The following DEPP1 variants were observed in gnomAD, a reference collection of about 807,000 sequenced individuals.
DEPP1 encodes the protein protein DEPP1.
For missense variants in DEPP1, 267 were observed against 280.1 expected (o/e 0.95, Z 0.33); for synonymous variants, 117 against 113.6 (o/e 1.03, Z -0.19).
In DEPP1 at chr10:44,977,262, C is replaced by G; in HGVS notation, c.*130G>C. ...AGGGGGTCGGTCTCACTGTGAACTG[C>G]CCAAGCAGGGGCCTCTGCAGAAAAG... is the stretch of plus-strand genomic sequence containing the variant. On this transcript the variant is annotated 3_prime_UTR_variant, in exon 2 of 2. Coordinates refer to ENST00000298295, the MANE Select transcript of DEPP1 (RefSeq NM_007021.4). 8.0e-7 allele frequency: 1 copy of G among 1,257,074 alleles called. No homozygotes were observed. The highest frequency in any genetic ancestry group is 1.5e-5 in the African/African-American group (1 of 66,800). 77.9% of individuals were successfully genotyped at this position (1,257,074 alleles called of 1,614,324 possible).
Position 44,977,823 on chromosome 10 carries a change from CTGGCCTGTGGGG to C in DEPP1, c.196_207del (p.Pro66_Pro69del), listed in dbSNP as rs769528124. Reference sequence around the variant, plus strand: ...GGGCGGCCCTTCCGGCAGGCCTGGGCTGGCCTGTGGGGTGGCCTGGGTTGGCCCTGGGCCGTG... The same window carrying C: ...GGGCGGCCCTTCCGGCAGGCCTGGGCTGGCCTGGGTTGGCCCTGGGCCGTG... On this transcript the variant is annotated inframe_deletion, in exon 2 of 2. Transcript: ENST00000298295. 22 of 1,604,626 alleles carry C rather than the reference CTGGCCTGTGGGG, an allele frequency of 1.4e-5. No homozygotes were observed. Among genetic ancestry groups the C allele is most frequent in the Middle Eastern group, 1.7e-4 (1 of 6,040 alleles).
In DEPP1 at chr10:44,977,958, C is replaced by G. The variant is rs150114325; in HGVS notation, c.73G>C (p.Gly25Arg). Residue 25 changes from glycine (G) to arginine (R), a missense_variant, in exon 2 of 2, where the codon GGG (glycine) becomes CGG (arginine). Gly to Arg is a moderately radical substitution (Grantham distance 125, BLOSUM62 -2). Coordinates refer to ENST00000298295, the MANE Select transcript of DEPP1 (RefSeq NM_007021.4). Reference protein sequence around the residue: ...IRETTEEMLLGGPGQEPPPSP... With the variant: ...IRETTEEMLLRGPGQEPPPSP... ...GGTGGGGGCTCCTGTCCAGGACCCC[C>G]AAGCAGCATCTCCTCCGTGGTCTCC... 1 of 1,611,984 alleles carries G rather than the reference C, an allele frequency of 6.2e-7. No individual in the cohort carries two copies. The highest frequency in any genetic ancestry group is 1.3e-5 in the African/African-American group (1 of 74,838).
rs1455243602 is a variant in DEPP1, at chr10:44,976,239, T to A, written c.*1153A>T. 1 of 152,280 alleles carries A rather than the reference T, an allele frequency of 6.6e-6. No individual in the cohort carries two copies. The highest frequency in any genetic ancestry group is 1.5e-5 in the Non-Finnish European group (1 of 68,060). The allele number at this position is 152,280 out of a possible 1,614,324, so 9.4% of individuals were successfully genotyped here. A position where few individuals can be genotyped will look rare whatever the true frequency, so the allele number is the denominator to read the frequency against. ...AAGAACATTGCTGATGTCCCCATTT[T>A]ATAGATAAGGAAACTGGGTAATTGC... is the stretch of plus-strand genomic sequence containing the variant. On this transcript the variant is annotated 3_prime_UTR_variant, in exon 2 of 2. Transcript: ENST00000298295.
At position 44,977,853 on chromosome 10, in the gene DEPP1, G is replaced by C. The variant is rs2132783893; in HGVS notation, c.178C>G (p.Gln60Glu). ...PTSVLDKATA[Q>E]GQPRPPHRPA... ...CTGTGGGGTGGCCTGGGTTGGCCCT[G>C]GGCCGTGGCCTTGTCCAGCACAGAG... The change falls in exon 2 of 2, where the codon CAG (glutamine) becomes GAG (glutamate). Residue 60 changes from glutamine (Q) to glutamate (E), a missense_variant. Coordinates refer to ENST00000298295, the MANE Select transcript of DEPP1 (RefSeq NM_007021.4). 1 of 1,609,848 alleles carries C rather than the reference G, an allele frequency of 6.2e-7. No individual in the cohort carries two copies. Among genetic ancestry groups the C allele is most frequent in the East Asian group, 2.2e-5 (1 of 44,820 alleles).
rs1841447393 is a variant in DEPP1, at chr10:44,976,799, G to T, written c.*593C>A. 6.6e-6 allele frequency: 1 copy of T among 152,590 alleles called. No individual in the cohort carries two copies. The highest frequency in any genetic ancestry group is 1.5e-5 in the Non-Finnish European group (1 of 68,324). 9.5% of individuals were successfully genotyped at this position (152,590 alleles called of 1,614,324 possible). A position where few individuals can be genotyped will look rare whatever the true frequency, so the allele number is the denominator to read the frequency against. The stretch of plus-strand genomic sequence containing the variant: ...CCCAATGCCACCACAGGACGTATGA[G>T]TTGTAGCCAGCAGAGTGCCCCAGTG... On this transcript the variant is annotated 3_prime_UTR_variant, in exon 2 of 2. Coordinates refer to ENST00000298295, the MANE Select transcript of DEPP1 (RefSeq NM_007021.4).
Position 44,977,388 on chromosome 10 carries a change from G to C in DEPP1, c.*4C>G, listed in dbSNP as rs746339550. 1 of 1,562,214 alleles carries C rather than the reference G, an allele frequency of 6.4e-7. No individual in the cohort carries two copies. Among genetic ancestry groups the C allele is most frequent in the Non-Finnish European group, 8.7e-7 (1 of 1,150,890 alleles). ...TCTCTACAGAAGCCTTTACTGGGGA[G>C]GGGTCAGAGTTCATGGATCACCGGG... is the stretch of plus-strand genomic sequence containing the variant. On this transcript the variant is annotated 3_prime_UTR_variant, in exon 2 of 2. Coordinates refer to ENST00000298295, the MANE Select transcript of DEPP1 (RefSeq NM_007021.4).
At chr10:44,978,152 G>A in intron 1 of DEPP1, 97 bp from the exon 2 acceptor site, 2 of 1,173,872 alleles carry the variant, frequency 1.7e-6, no homozygotes, top group Non-Finnish European at 2.4e-6. Flanking sequence ...TAGGAATCCG[G>A]TGCCCTGAGA....
chr10:44,977,305 C>A lies in DEPP1; in HGVS notation c.*87G>T, dbSNP rs1293271468. On this transcript the variant is annotated 3_prime_UTR_variant, in exon 2 of 2. Coordinates refer to ENST00000298295, the MANE Select transcript of DEPP1 (RefSeq NM_007021.4). The stretch of plus-strand genomic sequence containing the variant: ...CAGAAAAGCATTTCCCTTTCAGAGA[C>A]CTGCCAGGGGCAGTGACCACCATGG... The A allele has an allele frequency of 2.0e-6, 3 of 1,478,472 alleles. No individual in the cohort carries two copies. In the East Asian group the frequency reaches 6.9e-5, roughly 34 times the overall value. 91.6% of individuals were successfully genotyped at this position (1,478,472 alleles called of 1,614,324 possible). A position where few individuals can be genotyped will look rare whatever the true frequency, so the allele number is the denominator to read the frequency against.
chr10:44,976,268 T>A lies in DEPP1; in HGVS notation c.*1124A>T, dbSNP rs1564457532. 4 of 152,254 alleles carry A rather than the reference T, an allele frequency of 2.6e-5. No homozygotes were observed. Among genetic ancestry groups the A allele is most frequent in the Admixed American group, 1.3e-4 (2 of 15,284 alleles). 9.4% of individuals were successfully genotyped at this position (152,254 alleles called of 1,614,324 possible). On this transcript the variant is annotated 3_prime_UTR_variant, in exon 2 of 2. Coordinates refer to ENST00000298295, the MANE Select transcript of DEPP1 (RefSeq NM_007021.4). ...GATAAGGAAACTGGGTAATTGCTTG[T>A]CTGAAACTTTTTCCTTTTAATATGG...
intron 1 of DEPP1, among the ~76,000 whole-genome samples, chr10:44,978,413 A>T (rs1435661994): frequency 6.6e-6 from 1 of 152,180 alleles, no homozygotes; most frequent in Admixed American, 6.5e-5. Flanking sequence ...TCCATAAAAC[A>T]GGGTTATAAA....
rs370108065 is a variant in DEPP1, at chr10:44,977,843, G to T, written c.188C>A (p.Pro63His). The T allele has an allele frequency of 1.9e-6, 3 of 1,607,730 alleles. No individual in the cohort carries two copies. The African/African-American group carries it at 4.0e-5, about 21-fold the overall frequency. The change falls in exon 2 of 2, where the codon CCC becomes CAC. Residue 63 changes from proline to histidine, a missense_variant. Coordinates refer to ENST00000298295, the MANE Select transcript of DEPP1 (RefSeq NM_007021.4). ...CTGGGCTGGCCTGTGGGGTGGCCTG[G>T]GTTGGCCCTGGGCCGTGGCCTTGTC... ...VLDKATAQGQ[P>H]RPPHRPAQAC...
chr10:44,977,190 G>C lies in DEPP1; in HGVS notation c.*202C>G, dbSNP rs1375159061. 3.2e-6 allele frequency: 2 copies of C among 616,956 alleles called. No homozygotes were observed. The highest frequency in any genetic ancestry group is 2.9e-5 in the South Asian group (1 of 34,614). The allele number at this position is 616,956 out of a possible 1,614,324, so 38.2% of individuals were successfully genotyped here. ...CAGCCAGCAAGGGTCAGAGCGAACG[G>C]GATTGGTAACATCTCCTCATGTGAA... is the stretch of plus-strand genomic sequence containing the variant. On this transcript the variant is annotated 3_prime_UTR_variant, in exon 2 of 2. Transcript: ENST00000298295.
In DEPP1 at chr10:44,977,832, G is replaced by T. The variant is rs754174206; in HGVS notation, c.199C>A (p.His67Asn). 2 of 1,606,090 alleles carry T rather than the reference G, an allele frequency of 1.2e-6. No homozygotes were observed. The highest frequency in any genetic ancestry group is 3.4e-5 in the Admixed American group (2 of 58,292). Residue 67 changes from histidine (H) to asparagine (N), a missense_variant, in exon 2 of 2, where the codon CAC becomes AAC. By Grantham distance (68) the His-to-Asn change is moderately conservative (BLOSUM62 1). Coordinates refer to ENST00000298295, the MANE Select transcript of DEPP1 (RefSeq NM_007021.4). ...TTCCGGCAGGCCTGGGCTGGCCTGT[G>T]GGGTGGCCTGGGTTGGCCCTGGGCC... is the stretch of plus-strand genomic sequence containing the variant. ...ATAQGQPRPP[H>N]RPAQACRKGR... is the part of the protein sequence containing the mutation.
rs1564458890 is a variant in DEPP1, at chr10:44,977,777, A to G, written c.254T>C (p.Ile85Thr). ...KGRPAVSLRD[I>T]TARFSGQQPT... is the part of the protein sequence containing the mutation. ...CTGCTGGCCACTGAAACGTGCGGTG[A>G]TGTCTCGCAGGGACACAGCAGGGCG... Residue 85 changes from isoleucine (I) to threonine (T), a missense_variant, in exon 2 of 2, where the codon ATC becomes ACC. By Grantham distance (89) the Ile-to-Thr change is moderately conservative (BLOSUM62 -1). Coordinates refer to ENST00000298295, the MANE Select transcript of DEPP1 (RefSeq NM_007021.4). 1 of 1,601,102 alleles carries G rather than the reference A, an allele frequency of 6.2e-7. No individual in the cohort carries two copies. Among genetic ancestry groups the G allele is most frequent in the Non-Finnish European group, 8.5e-7 (1 of 1,172,354 alleles).
intron 1 of DEPP1, 53 bp from the exon 2 acceptor site, chr10:44,978,108 C>T: frequency 6.6e-7 from 1 of 1,511,896 alleles, no homozygotes; most frequent in Non-Finnish European, 9.0e-7. Flanking sequence ...TCCCACCGCC[C>T]CTCAGCGTCA....
At position 44,977,881 on chromosome 10, in the gene DEPP1, G is replaced by A. The variant is rs774761547; in HGVS notation, c.150C>T (p.Pro50=). 4 of 1,612,464 alleles carry A rather than the reference G, an allele frequency of 2.5e-6. No homozygotes were observed. The Middle Eastern group carries it at 5.0e-4, about 200-fold the overall frequency. Residue 50 remains proline (P), a synonymous_variant, in exon 2 of 2, where the codon CCC becomes CCT. Coordinates refer to ENST00000298295, the MANE Select transcript of DEPP1 (RefSeq NM_007021.4). ...CCGTGGCCTTGTCCAGCACAGAGGT[G>A]GGCTGTGCCAGTCGAGATATAGACC... ...YVRSISRLAQ[P]TSVLDKATAQ...
chr10:44,978,289 G>C, intron 1 of DEPP1: 1 of 462,552 alleles, frequency 2.2e-6, no homozygotes, highest in Non-Finnish European at 3.8e-6. Context: ...ACAGATAAGA[G>C]AACCTAACCT....
rs1841495914 is a variant in DEPP1 at position 44,977,601 on chromosome 10, G to A, written c.430C>T (p.Pro144Ser). 6.2e-7 allele frequency: 1 copy of A among 1,613,332 alleles called. No individual in the cohort carries two copies. Among genetic ancestry groups the A allele is most frequent in the South Asian group, 1.1e-5 (1 of 91,086 alleles). ...GPHRQMDSSK[P>S]MGAPRGRLCE... ...AGCCTCCCTCTGGGGGCCCCCATGG[G>A]CTTGCTGCTGTCCATCTGTCTATGT... The change falls in exon 2 of 2, where the codon CCC (proline) becomes TCC (serine). Residue 144 changes from proline to serine, a missense_variant. Pro to Ser is a moderately conservative substitution (Grantham distance 74). Transcript: ENST00000298295.
In DEPP1 at chr10:44,978,764, A is replaced by C. The variant is rs981944240; in HGVS notation, c.-172T>G. ...GGGGTCGCTGGGAGGAGGACAGTGC[A>C]CTGAGTCTCACAGTCCACCGTAGCA... On this transcript the variant is annotated 5_prime_UTR_variant, in exon 1 of 2. Transcript: ENST00000298295. 1 of 152,206 alleles carries C rather than the reference A, an allele frequency of 6.6e-6. No individual in the cohort carries two copies. The highest frequency in any genetic ancestry group is 1.5e-5 in the Non-Finnish European group (1 of 68,100). 9.4% of individuals were successfully genotyped at this position (152,206 alleles called of 1,614,324 possible).
Sources: gnomAD v4.1 joint callset for allele counts (sites outside exome capture counted in the v4.1 genomes callset) on GRCh38, gnomAD v4.1.1 for gene constraint, MANE v1.5 for transcripts, NCBI Gene and HGNC (gene_info 2026-07-23, HGNC 2026-07-21) for gene names.